The following SCFD2 variants were observed in gnomAD, a reference collection of about 807,000 sequenced individuals.
SCFD2 encodes sec1 family domain-containing protein 2.
SCFD2 carries 54 observed loss-of-function variants against 58.9 expected under a neutral mutation model. The ratio of observed to expected loss-of-function variants is 0.92; its 90% confidence interval spans 0.74 to 1.15. The LOEUF is 1.15. Ranked by LOEUF, SCFD2 falls within the 50% of genes most tolerant of loss-of-function variation. The pLI, the probability that SCFD2 is intolerant of heterozygous loss-of-function variation, is 0.00. For missense variants in SCFD2, 805 were observed against 836.6 expected, an observed-to-expected ratio of 0.96 and a Z score of 0.47; for synonymous variants, 321 against 335.9, an observed-to-expected ratio of 0.96 and a Z score of 0.49.
intron 5 of SCFD2, chr4:52,958,041 C>G (rs531425570): frequency 5.3e-5 from 8 of 151,346 alleles, no homozygotes; most frequent in Non-Finnish European, 1.0e-4. Context: ...CATCTCCAGG[C>G]ACTTCTTGGA....
intron 4 of SCFD2, among the ~76,000 whole-genome samples, chr4:53,202,267 A>G (rs1170087056): frequency 6.6e-6 from 1 of 152,198 alleles, no homozygotes; most frequent in Non-Finnish European, 1.5e-5. Context: ...TCCCAGCACC[A>G]TTTATTTAAT....
chr4:52,964,583 A>G (rs978930176), intron 5 of SCFD2, among the ~76,000 whole-genome samples: 1 of 152,170 alleles, frequency 6.6e-6, no homozygotes, highest in African/African-American at 2.4e-5. Flanking sequence ...CACTGAATTA[A>G]TGGTTCCAGG....
intron 7 of SCFD2, among the ~76,000 whole-genome samples, chr4:52,893,308 C>A (rs187481676): frequency 1.1e-3 from 172 of 152,074 alleles, no homozygotes; most frequent in African/African-American, 4.0e-3. Context: ...TGGGCTCAAG[C>A]GATCCTCCTG....
At chr4:53,302,908 C>A (rs1253422122) in intron 3 of SCFD2, among the ~76,000 whole-genome samples, 2 of 152,126 alleles carry the variant, frequency 1.3e-5, no homozygotes, top group Non-Finnish European at 2.9e-5. Context: ...ATATAGAGAG[C>A]TGAAACTGGA....
chr4:52,887,773 G>A (rs1055602195), intron 7 of SCFD2, among the ~76,000 whole-genome samples: 8 of 152,270 alleles, frequency 5.3e-5, no homozygotes, highest in African/African-American at 7.2e-5. Context: ...AGGCAGTCCC[G>A]AGGAGTGCCT....
At chr4:53,229,758 AG>A (rs1729365755) in intron 4 of SCFD2, among the ~76,000 whole-genome samples, 1 of 152,252 alleles carries the variant, frequency 6.6e-6, no homozygotes, top group African/African-American at 2.4e-5. Context: ...AACAAAAGCC[AG>A]AATTGACAAA....
At chr4:53,224,258 A>G (rs1227795406) in intron 4 of SCFD2, among the ~76,000 whole-genome samples, 2 of 151,978 alleles carry the variant, frequency 1.3e-5, no homozygotes, top group Non-Finnish European at 2.9e-5. Flanking sequence ...GCGTGGTGGC[A>G]TGTGCCTGTA....
At chr4:53,278,086 G>T (rs1172045310) in intron 3 of SCFD2, among the ~76,000 whole-genome samples, 10 of 151,566 alleles carry the variant, frequency 6.6e-5, no homozygotes, top group Admixed American at 6.6e-4. Flanking sequence ...AACAGTCCTC[G>T]CCAGGCGCAG....
chr4:52,926,099 A>T (rs747466156), intron 5 of SCFD2, among the ~76,000 whole-genome samples: 1 of 152,102 alleles, frequency 6.6e-6, no homozygotes, highest in Non-Finnish European at 1.5e-5. Context: ...CAACATAATT[A>T]AAATGCAGAG....
intron 4 of SCFD2, among the ~76,000 whole-genome samples, chr4:53,251,624 G>C (rs1310669331): frequency 1.3e-5 from 2 of 151,970 alleles, no homozygotes; most frequent in African/African-American, 2.4e-5. Context: ...CAGAACCAAA[G>C]AAAAAAACCA....
intron 4 of SCFD2, among the ~76,000 whole-genome samples, chr4:53,238,730 G>A (rs1344563417): frequency 7.4e-5 from 10 of 134,910 alleles, no homozygotes; most frequent in East Asian, 2.3e-4. Flanking sequence ...ACGGGGCGGC[G>A]GGGCAGAGGC....
At chr4:53,272,035 T>C (rs184482040) in intron 4 of SCFD2, among the ~76,000 whole-genome samples, 308 of 152,158 alleles carry the variant, frequency 2.0e-3, no homozygotes, top group African/African-American at 7.0e-3. Flanking sequence ...CATCAAAAAG[T>C]GGGCAAAGGA....
intron 4 of SCFD2, among the ~76,000 whole-genome samples, chr4:53,250,505 C>G (rs954604434): frequency 6.6e-6 from 1 of 152,066 alleles, no homozygotes. Context: ...TAAAGCTCTC[C>G]TCAGCAAATG....
chr4:53,329,281 C>A (rs1733335893), intron 2 of SCFD2, among the ~76,000 whole-genome samples: 2 of 152,210 alleles, frequency 1.3e-5, no homozygotes, highest in African/African-American at 2.4e-5. Flanking sequence ...TAGGCTTCAC[C>A]TCTGGGGGCA....
intron 5 of SCFD2, among the ~76,000 whole-genome samples, chr4:52,946,359 T>C (rs1000545694): frequency 3.9e-5 from 6 of 152,052 alleles, no homozygotes; most frequent in Non-Finnish European, 5.9e-5. Flanking sequence ...AATAAATATA[T>C]AGAGTACTTT....
At chr4:53,313,922 C>T (rs139406992) in intron 2 of SCFD2, among the ~76,000 whole-genome samples, 159 bp from the exon 3 acceptor site, 2 of 152,128 alleles carry the variant, frequency 1.3e-5, no homozygotes, top group African/African-American at 4.8e-5. Flanking sequence ...ATGTCTAATT[C>T]ACATAATTGG....
Position 53,365,943 on chromosome 4 carries a change from G to A in SCFD2, c.-2C>T, listed in dbSNP as rs1351514. 0.15 allele frequency: 220,757 copies of A among 1,519,492 alleles called. 17,531 individuals carry two copies. The highest frequency in any genetic ancestry group is 0.22 in the South Asian group (17,726 of 78,836). The allele number at this position is 1,519,492 out of a possible 1,614,324, so 94.1% of individuals were successfully genotyped here. A position where few individuals can be genotyped will look rare whatever the true frequency, so the allele number is the denominator to read the frequency against. On this transcript the variant is annotated 5_prime_UTR_variant, in exon 1 of 9. Transcript: ENST00000401642. This position sits in a 1 kb window ranked among gnomAD's most constrained non-coding sequence, Gnocchi z 4.3. ...GGACAGTACGCCCGAGGCGCTCATGGTTGGGGATTCGCAGACTTGGGAAAC... is the reference window on the plus strand; with the variant it reads ...GGACAGTACGCCCGAGGCGCTCATGATTGGGGATTCGCAGACTTGGGAAAC...
chr4:53,348,778 A>G (rs978368172), intron 2 of SCFD2, among the ~76,000 whole-genome samples: 9 of 150,812 alleles, frequency 6.0e-5, no homozygotes, highest in Admixed American at 6.0e-4. Flanking sequence ...GCCATGGCCC[A>G]ATCTCAACTC....
At chr4:52,987,351 C>T (rs889755451) in intron 5 of SCFD2, among the ~76,000 whole-genome samples, 1 of 152,248 alleles carries the variant, frequency 6.6e-6, no homozygotes, top group Admixed American at 6.5e-5. Context: ...CTATGTGTCA[C>T]TCCCTTTCTT....
Sources: allele counts gnomAD v4.1 joint callset (sites outside exome capture counted in the v4.1 genomes callset), GRCh38; gene constraint gnomAD v4.1.1; non-coding constraint Gnocchi (gnomAD v3.1); transcripts MANE v1.5; gene names NCBI Gene and HGNC (gene_info 2026-07-23, HGNC 2026-07-21).